Variants in PIWIL1 observed in about 807,000 individuals in gnomAD.
PIWIL1 encodes the protein piwi-like protein 1.
In PIWIL1, 73 loss-of-function variants were observed where a neutral mutation model predicts 114.4. The observed-to-expected ratio is 0.64, with a 90% CI of 0.53 to 0.78. The LOEUF is 0.78. Among genes scored for constraint, PIWIL1 ranks in the 30% least tolerant of loss-of-function variants. PIWIL1 has a pLI of 0.00. For synonymous variants in PIWIL1, 375 were observed against 369.0 expected (o/e 1.02, Z -0.19); for missense variants, 723 against 1,063.1 (o/e 0.68, Z 4.45).
At chr12:130,412,632 A>G in the PIWIL1 span, 2 of 1,613,716 alleles carry the variant, frequency 1.2e-6, no homozygotes, top group Admixed American at 1.7e-5. Context: ...TTTTCTCCAC[A>G]GGTGTATTCA....
chr12:130,371,350 A>C, intron 20 of PIWIL1, 27 bp downstream of exon 20: 1 of 1,613,842 alleles, frequency 6.2e-7, no homozygotes, highest in Non-Finnish European at 8.5e-7. Flanking sequence ...GTTGATGTTT[A>C]GCAAATAAAG....
At chr12:130,388,024 T>A in the PIWIL1 span, among the ~76,000 whole-genome samples, 1 of 152,252 alleles carries the variant, frequency 6.6e-6, no homozygotes, top group Non-Finnish European at 1.5e-5. Context: ...GATTTTTGCA[T>A]GGTCTAAAAT....
intron 8 of PIWIL1, among the ~76,000 whole-genome samples, chr12:130,349,655 T>C (rs79244030): frequency 0.035 from 5,336 of 152,306 alleles, 314 homozygotes; most frequent in African/African-American, 0.12. Flanking sequence ...CCTTTTAAAT[T>C]ATTTTATTTT....
intron 3 of PIWIL1, among the ~76,000 whole-genome samples, chr12:130,344,269 G>A (rs2073007949): frequency 6.6e-6 from 1 of 152,140 alleles, no homozygotes; most frequent in Non-Finnish European, 1.5e-5. Flanking sequence ...CAGTATGCGT[G>A]ATTTAGTGTA....
At chr12:130,423,691 CTT>C in the PIWIL1 span, among the ~76,000 whole-genome samples, 56 of 99,036 alleles carry the variant, frequency 5.7e-4, no homozygotes, top group African/African-American at 1.6e-3. Flanking sequence ...TTTCTTCAAT[CTT>C]TTTTTTTTTT....
intron 14 of PIWIL1, among the ~76,000 whole-genome samples, chr12:130,358,291 T>C (rs1448951610): frequency 1.3e-5 from 2 of 152,156 alleles, no homozygotes; most frequent in African/African-American, 4.8e-5. Context: ...TGGTTTTCAT[T>C]GGTGATCTGA....
At chr12:130,424,111 C>T in the PIWIL1 span, 120 of 1,149,142 alleles carry the variant, frequency 1.0e-4, no homozygotes, top group Admixed American at 1.3e-4. This position sits in a 1 kb window ranked among gnomAD's most constrained non-coding sequence, Gnocchi z 9.8. Context: ...GTTTGGCAAG[C>T]GGCTGTGAAA....
intron 12 of PIWIL1, among the ~76,000 whole-genome samples, 173 bp from the exon 13 acceptor site, chr12:130,356,745 G>T (rs922818541): frequency 6.6e-6 from 1 of 152,076 alleles, no homozygotes; most frequent in African/African-American, 2.4e-5. Context: ...TCATCCTTTG[G>T]ATATATTTTA....
At chr12:130,407,846 G>A in the PIWIL1 span, 6 of 1,605,544 alleles carry the variant, frequency 3.7e-6, no homozygotes, top group Non-Finnish European at 4.3e-6. Context: ...AGATCACAAG[G>A]GGGAAAGAAA....
the PIWIL1 span, among the ~76,000 whole-genome samples, chr12:130,390,893 T>C: frequency 6.6e-6 from 1 of 152,160 alleles, no homozygotes; most frequent in South Asian, 2.1e-4. Context: ...GGCAGCTTCT[T>C]CTCCAGGACC....
At chr12:130,378,376 T>G in the PIWIL1 span, among the ~76,000 whole-genome samples, 170 of 152,332 alleles carry the variant, frequency 1.1e-3, no homozygotes, top group African/African-American at 3.9e-3. Flanking sequence ...CATCAATCAG[T>G]GGGTGTTTTG....
Position 130,371,501 on chromosome 12 carries a change from C to T in PIWIL1, c.2489C>T (p.Ala830Val). The T allele has an allele frequency of 6.2e-7, 1 of 1,614,154 alleles. No individual in the cohort carries two copies. ...CTAAAGGGTGTCATTCGTGTTCCTGCTCCTTGCCAGTACGCCCACAAGCTG... is the reference window on the plus strand; with the variant it reads ...CTAAAGGGTGTCATTCGTGTTCCTGTTCCTTGCCAGTACGCCCACAAGCTG... ...YNWPGVIRVP[A>V]PCQYAHKLAF... Residue 830 changes from alanine (A) to valine (V), a missense_variant, in exon 21 of 21, where the codon GCT (alanine) becomes GTT (valine). This residue lies in a region of PIWIL1 where 106 missense variants were observed against 182.8 expected (regional missense o/e 0.58). Coordinates refer to ENST00000245255, the MANE Select transcript of PIWIL1 (RefSeq NM_004764.5).
At chr12:130,391,583 T>A in the PIWIL1 span, among the ~76,000 whole-genome samples, 1 of 152,212 alleles carries the variant, frequency 6.6e-6, no homozygotes. Flanking sequence ...CTTACATGTG[T>A]CTTCTTCTTC....
intron 9 of PIWIL1, among the ~76,000 whole-genome samples, chr12:130,354,237 A>G (rs2073298709): frequency 6.6e-6 from 1 of 152,180 alleles, no homozygotes; most frequent in African/African-American, 2.4e-5. Context: ...TTCTAAACCA[A>G]GAAATAAAAA....
Position 130,342,563 on chromosome 12 carries a change from G to C in PIWIL1, c.-12-17G>C, listed in dbSNP as rs775981668. On this transcript the variant is annotated splice_polypyrimidine_tract_variant and intron_variant, in intron 1 of 20. Coordinates refer to ENST00000245255, the MANE Select transcript of PIWIL1 (RefSeq NM_004764.5). ...TGCCTCCATTGAGTATTGTCTTCAA[G>C]ATTGTTTCCTCTCCAGAAATAGAAA... 2 of 1,493,930 alleles carry C rather than the reference G, an allele frequency of 1.3e-6. No homozygotes were observed. Among genetic ancestry groups the C allele is most frequent in the South Asian group, 2.3e-5 (2 of 88,132 alleles). The allele number at this position is 1,493,930 out of a possible 1,614,324, so 92.5% of individuals were successfully genotyped here.
chr12:130,389,471 A>AT, the PIWIL1 span, among the ~76,000 whole-genome samples: 2 of 151,650 alleles, frequency 1.3e-5, no homozygotes, highest in African/African-American at 4.8e-5. Flanking sequence ...TGTACTTATC[A>AT]TTTTTTTAAG....
At position 130,342,367 on chromosome 12, in the gene PIWIL1, C is replaced by T. The variant is rs115168489; in HGVS notation, c.-12-213C>T. On this transcript the variant is annotated intron_variant, in intron 1 of 20. Transcript: ENST00000245255. ...TTAAAATAGGTTTTCCCCTTTGGCC[C>T]TACTGCAGTGCCCAGTGCAAGGTAA... is the stretch of plus-strand genomic sequence containing the variant. 3.8e-3 allele frequency: 2,086 copies of T among 553,962 alleles called. 46 individuals are homozygous for T. Among genetic ancestry groups the T allele is most frequent in the African/African-American group, 0.036 (1,923 of 53,262 alleles). The allele number at this position is 553,962 out of a possible 1,614,324, so 34.3% of individuals were successfully genotyped here.
At chr12:130,359,047 T>C (rs2073441533) in intron 14 of PIWIL1, among the ~76,000 whole-genome samples, 1 of 152,188 alleles carries the variant, frequency 6.6e-6, no homozygotes, top group South Asian at 2.1e-4. Flanking sequence ...TTGAAAGCTT[T>C]CTAAGTTATA....
chr12:130,342,461 A>C, intron 1 of PIWIL1, 119 bp from the exon 2 acceptor site: 1 of 656,610 alleles, frequency 1.5e-6, no homozygotes, highest in Non-Finnish European at 2.8e-6. Flanking sequence ...AGAAGGATAC[A>C]TAATAATTGC....
Sources: allele counts gnomAD v4.1 joint callset (sites outside exome capture counted in the v4.1 genomes callset), GRCh38; gene constraint gnomAD v4.1.1; regional missense constraint gnomAD v4.1.1; non-coding constraint Gnocchi (gnomAD v3.1); transcripts MANE v1.5; gene names NCBI Gene and HGNC (gene_info 2026-07-23, HGNC 2026-07-21).